The following FOXN3 variants were observed in gnomAD, a reference collection of about 807,000 sequenced individuals.
FOXN3 encodes the protein forkhead box protein N3.
A neutral mutation model predicts 38.4 loss-of-function variants in FOXN3; 7 were observed. The ratio of observed to expected loss-of-function variants is 0.18; its 90% CI spans 0.10 to 0.34. The LOEUF (loss-of-function observed/expected upper bound fraction) is 0.34, where lower values mean the gene tolerates loss of function less well. Ranked by LOEUF, FOXN3 falls within the 10% of genes least tolerant of loss-of-function variation. The pLI is 1.00. For synonymous variants in FOXN3, 230 were observed against 242.2 expected (o/e 0.95, Z 0.47); for missense variants, 456 against 613.4 (o/e 0.74, Z 2.71).
intron 3 of FOXN3, among the ~76,000 whole-genome samples, chr14:89,302,404 G>A (rs372503545): frequency 2.0e-5 from 3 of 152,132 alleles, no homozygotes; most frequent in Non-Finnish European, 4.4e-5. Context: ...AAACAGTTAC[G>A]TATGATTGTG....
At chr14:89,448,268 C>A (rs564899105) in intron 1 of FOXN3, among the ~76,000 whole-genome samples, 1 of 152,134 alleles carries the variant, frequency 6.6e-6, no homozygotes, top group South Asian at 2.1e-4. Flanking sequence ...CATATCATTT[C>A]TTCCCGCCCC....
At chr14:89,364,155 G>C (rs1890055501) in intron 2 of FOXN3, among the ~76,000 whole-genome samples, 2 of 150,434 alleles carry the variant, frequency 1.3e-5, no homozygotes, top group African/African-American at 4.9e-5. Context: ...GAGGGAAGAA[G>C]AGAGGCAAAA....
intron 3 of FOXN3, among the ~76,000 whole-genome samples, chr14:89,315,222 ATCCAAACACCTT>A (rs559697966): frequency 1.2e-3 from 190 of 152,100 alleles, no homozygotes; most frequent in Non-Finnish European, 2.4e-3. Flanking sequence ...TAGACTCTAA[ATCCAAACACCTT>A]TCTGATCTTA....
intron 2 of FOXN3, among the ~76,000 whole-genome samples, chr14:89,390,631 T>C (rs1890919544): frequency 6.6e-6 from 1 of 151,986 alleles, no homozygotes; most frequent in Non-Finnish European, 1.5e-5. Context: ...GGGGAAAGCC[T>C]AGCAAAATAA....
upstream of FOXN3, chr14:89,417,582 G>C (rs1891785219): frequency 3.0e-6 from 1 of 336,398 alleles, no homozygotes; most frequent in Non-Finnish European, 6.2e-6. Flanking sequence ...CCACACGAGC[G>C]GGCCGGCGCT....
upstream of FOXN3, among the ~76,000 whole-genome samples, chr14:89,422,056 G>C (rs939261319): frequency 2.6e-5 from 4 of 151,994 alleles, no homozygotes; most frequent in African/African-American, 7.3e-5. Context: ...TTTTTCTGTA[G>C]AGATGGGGTC....
At chr14:89,456,389 C>T (rs1206336655) in intron 1 of FOXN3, among the ~76,000 whole-genome samples, 1 of 152,120 alleles carries the variant, frequency 6.6e-6, no homozygotes. Flanking sequence ...TCTCATTATA[C>T]CCCATGGCAT....
chr14:89,273,345 C>T (rs911929071), intron 4 of FOXN3, among the ~76,000 whole-genome samples: 4 of 152,204 alleles, frequency 2.6e-5, no homozygotes, highest in Non-Finnish European at 4.4e-5. Context: ...TTAATAAAGG[C>T]CCTCGATTTC....
At chr14:89,578,652 CCTTT>C (rs1895682455) in intron 1 of FOXN3, among the ~76,000 whole-genome samples, 1 of 152,158 alleles carries the variant, frequency 6.6e-6, no homozygotes, top group Non-Finnish European at 1.5e-5. Flanking sequence ...TCCATTCCTC[CCTTT>C]CTCTCACCCT....
intron 1 of FOXN3, among the ~76,000 whole-genome samples, chr14:89,482,235 C>T (rs903676377): frequency 3.3e-5 from 5 of 152,204 alleles, no homozygotes; most frequent in African/African-American, 1.2e-4. Flanking sequence ...ATCCCATGAG[C>T]TCCTCCATAC....
At chr14:89,538,175 A>G (rs1327317426) in intron 1 of FOXN3, among the ~76,000 whole-genome samples, 1 of 152,362 alleles carries the variant, frequency 6.6e-6, no homozygotes, top group East Asian at 1.9e-4. Context: ...AAACAGATCC[A>G]CGTAATGTAT....
intron 4 of FOXN3, among the ~76,000 whole-genome samples, chr14:89,274,728 C>T (rs1329142826): frequency 1.3e-5 from 2 of 152,180 alleles, no homozygotes; most frequent in African/African-American, 4.8e-5. Flanking sequence ...CAGCTTGGTA[C>T]TTGTGAGCTA....
At chr14:89,437,578 C>T (rs1892298071) in intron 1 of FOXN3, among the ~76,000 whole-genome samples, 1 of 152,196 alleles carries the variant, frequency 6.6e-6, no homozygotes, top group South Asian at 2.1e-4. Context: ...GCATTGACTG[C>T]TATACTCCCA....
intron 3 of FOXN3, among the ~76,000 whole-genome samples, chr14:89,333,754 A>G (rs1459358744): frequency 1.5e-5 from 2 of 137,670 alleles, no homozygotes; most frequent in Non-Finnish European, 3.2e-5. Flanking sequence ...ACTATTAAAA[A>G]AAAAAAAAAA....
At chr14:89,543,789 C>CT (rs1406020824) in intron 1 of FOXN3, among the ~76,000 whole-genome samples, 1 of 152,170 alleles carries the variant, frequency 6.6e-6, no homozygotes, top group Admixed American at 6.5e-5. Context: ...CAACTAAAGA[C>CT]TAACTTATCA....
At chr14:89,344,450 T>A (rs72701677) in intron 3 of FOXN3, among the ~76,000 whole-genome samples, 1 of 152,184 alleles carries the variant, frequency 6.6e-6, no homozygotes, top group Non-Finnish European at 1.5e-5. Context: ...CCATACTGTT[T>A]GATTAAATGC....
At chr14:89,254,247 T>C (rs1471626120) in intron 4 of FOXN3, among the ~76,000 whole-genome samples, 1 of 152,196 alleles carries the variant, frequency 6.6e-6, no homozygotes, top group African/African-American at 2.4e-5. Flanking sequence ...GAAAGTTCCA[T>C]GTTTTAGCTG....
chr14:89,544,273 C>T (rs1168666358), intron 1 of FOXN3, among the ~76,000 whole-genome samples: 2 of 151,082 alleles, frequency 1.3e-5, no homozygotes, highest in Non-Finnish European at 2.9e-5. Flanking sequence ...GATCTCCTGA[C>T]CTCGTGATCC....
At chr14:89,602,849 A>G (rs905424324) in intron 1 of FOXN3, among the ~76,000 whole-genome samples, 3 of 152,164 alleles carry the variant, frequency 2.0e-5, no homozygotes, top group Non-Finnish European at 2.9e-5. Flanking sequence ...AATGTATTAT[A>G]CAGTTGGTGA....
Sources: gnomAD v4.1 joint callset for allele counts (sites outside exome capture counted in the v4.1 genomes callset) on GRCh38, gnomAD v4.1.1 for gene constraint, MANE v1.5 for transcripts, NCBI Gene and HGNC (gene_info 2026-07-23, HGNC 2026-07-21) for gene names.